ADAMTSL1: variants seen among roughly 807,000 people sequenced by gnomAD.
The protein encoded by ADAMTSL1 is ADAMTS like 1.
A neutral mutation model predicts 201.8 loss-of-function variants in ADAMTSL1; 126 were observed. The ratio of observed to expected loss-of-function variants is 0.62; its 90% confidence interval spans 0.54 to 0.72. ADAMTSL1 has a LOEUF of 0.72. Ranked by LOEUF, ADAMTSL1 falls within the 30% of genes least tolerant of loss-of-function variation. The pLI is 0.00. For missense variants in ADAMTSL1, 2,679 were observed against 2,277.8 expected, an observed-to-expected ratio of 1.18 and a Z score of -3.59; for synonymous variants, 1,121 against 903.4, an observed-to-expected ratio of 1.24 and a Z score of -4.32.
At chr9:17,959,555 T>C (rs544785825) in intron 1 of ADAMTSL1, among the ~76,000 whole-genome samples, 45 of 152,220 alleles carry the variant, frequency 3.0e-4, no homozygotes, top group African/African-American at 1.0e-3. Flanking sequence ...GCCTCCCAGA[T>C]TCAAGTGATT....
At chr9:18,058,642 C>G (rs1294052208) in intron 1 of ADAMTSL1, among the ~76,000 whole-genome samples, 1 of 151,982 alleles carries the variant, frequency 6.6e-6, no homozygotes, top group African/African-American at 2.4e-5. Flanking sequence ...AAATCCCATA[C>G]TTTTGACCCA....
At chr9:18,587,065 G>A (rs7040355) in intron 4 of ADAMTSL1, among the ~76,000 whole-genome samples, 2,956 of 152,008 alleles carry the variant, frequency 0.019, 79 homozygotes, top group African/African-American at 0.058. Flanking sequence ...CAAAGATGCC[G>A]AAAGCAATTC....
intron 2 of ADAMTSL1, among the ~76,000 whole-genome samples, chr9:18,531,984 T>A (rs779718779): frequency 3.3e-5 from 5 of 152,188 alleles, no homozygotes. Flanking sequence ...TGGTACTCTA[T>A]CTCTCCGGGT....
At chr9:18,184,764 G>A (rs1201856399) in intron 2 of ADAMTSL1, among the ~76,000 whole-genome samples, 1 of 152,178 alleles carries the variant, frequency 6.6e-6, no homozygotes, top group African/African-American at 2.4e-5. Context: ...TTTCTTGAAA[G>A]TAGTGACCTC....
intron 1 of ADAMTSL1, among the ~76,000 whole-genome samples, chr9:17,956,509 G>C (rs1342040035): frequency 6.6e-6 from 1 of 152,098 alleles, no homozygotes; most frequent in Non-Finnish European, 1.5e-5. Flanking sequence ...GAAAATTCCA[G>C]AGTAAACCAG....
chr9:18,022,038 A>G (rs567295497), intron 1 of ADAMTSL1, among the ~76,000 whole-genome samples: 3 of 152,222 alleles, frequency 2.0e-5, no homozygotes, highest in East Asian at 1.9e-4. Context: ...GGAAGATTCT[A>G]CACAGCCTCT....
chr9:18,407,016 T>C (rs1818235107), intron 2 of ADAMTSL1, among the ~76,000 whole-genome samples: 1 of 152,256 alleles, frequency 6.6e-6, no homozygotes, highest in Non-Finnish European at 1.5e-5. Context: ...ATTGAGTTTC[T>C]ATTAGGCAAC....
chr9:18,271,338 C>T (rs188466480), intron 2 of ADAMTSL1, among the ~76,000 whole-genome samples: 1 of 152,076 alleles, frequency 6.6e-6, no homozygotes, highest in African/African-American at 2.4e-5. Context: ...CCACTCCCCC[C>T]ACCCCACAAC....
intron 1 of ADAMTSL1, among the ~76,000 whole-genome samples, chr9:17,909,211 C>T (rs1825838213): frequency 6.8e-6 from 1 of 147,136 alleles, no homozygotes; most frequent in Non-Finnish European, 1.5e-5. Flanking sequence ...ATTGTAGATT[C>T]TGGGTATTAG....
intron 2 of ADAMTSL1, among the ~76,000 whole-genome samples, chr9:18,353,515 A>C (rs1211323226): frequency 1.3e-5 from 2 of 152,194 alleles, no homozygotes; most frequent in African/African-American, 4.8e-5. Flanking sequence ...TAGGGTGAAC[A>C]TGGACATGCT....
intron 2 of ADAMTSL1, among the ~76,000 whole-genome samples, chr9:18,311,450 C>G (rs1370389683): frequency 3.3e-5 from 5 of 152,114 alleles, no homozygotes; most frequent in African/African-American, 1.2e-4. Flanking sequence ...GTTTTCCACT[C>G]CAGAGTATCA....
chr9:18,501,003 C>G (rs1375069997), intron 1 of ADAMTSL1, among the ~76,000 whole-genome samples: 1 of 152,178 alleles, frequency 6.6e-6, no homozygotes, highest in African/African-American at 2.4e-5. Flanking sequence ...TAAAATATTA[C>G]ATTTATCTGA....
At chr9:18,637,721 A>G (rs992433391) in intron 6 of ADAMTSL1, among the ~76,000 whole-genome samples, 1 of 152,116 alleles carries the variant, frequency 6.6e-6, no homozygotes, top group Non-Finnish European at 1.5e-5. Context: ...AGTGAAAGAT[A>G]CCCTGTTTCT....
At chr9:18,831,706 T>A (rs950881419) in intron 23 of ADAMTSL1, among the ~76,000 whole-genome samples, 2 of 152,226 alleles carry the variant, frequency 1.3e-5, no homozygotes, top group Admixed American at 6.5e-5. Context: ...TCCAGACTGC[T>A]CCATTTGAAT....
rs555384346 is a variant in ADAMTSL1, at chr9:18,357,071, C to G, written c.208-147758C>G. On this transcript the variant is annotated intron_variant, in intron 2 of 29. Coordinates refer to the ADAMTSL1 transcript ENST00000680146. ...CACTGCCACCCATCTCTAAAGCCTA[C>G]ACACACATATCAGCCATACTGGGAC... Among the ~76,000 whole-genome samples, 68 of 152,284 alleles carry G rather than the reference C, an allele frequency of 4.5e-4. No individual in the cohort carries two copies. In the South Asian group the frequency reaches 0.013, roughly 28 times the overall value.
chr9:18,588,510 T>C (rs1048039819), intron 4 of ADAMTSL1, among the ~76,000 whole-genome samples: 5 of 152,140 alleles, frequency 3.3e-5, no homozygotes, highest in African/African-American at 1.2e-4. Context: ...GCTTTTGAGA[T>C]CTTATCCAAA....
intron 1 of ADAMTSL1, among the ~76,000 whole-genome samples, chr9:18,145,915 C>G (rs1826619964): frequency 6.6e-6 from 1 of 151,954 alleles, no homozygotes; most frequent in Non-Finnish European, 1.5e-5. Context: ...AGAAAACAAA[C>G]AGGCAAAAAC....
At chr9:18,511,462 T>C (rs1818019734) in intron 2 of ADAMTSL1, among the ~76,000 whole-genome samples, 2 of 152,110 alleles carry the variant, frequency 1.3e-5, no homozygotes, top group African/African-American at 2.4e-5. Flanking sequence ...AAAAAGTTTT[T>C]GAGGTAATAC....
intron 23 of ADAMTSL1, among the ~76,000 whole-genome samples, chr9:18,853,918 T>TGTGTGTGTGTGTGTGTGC (rs139332733): frequency 9.5e-4 from 138 of 145,486 alleles, no homozygotes; most frequent in African/African-American, 3.0e-3. Context: ...TGTGTGTGTG[T>TGTGTGTGTGTGTGTGTGC]GCGCGTGCAT....
Sources: allele counts gnomAD v4.1 joint callset (sites outside exome capture counted in the v4.1 genomes callset), GRCh38; gene constraint gnomAD v4.1.1; transcripts MANE v1.5; gene names NCBI Gene and HGNC (gene_info 2026-07-23, HGNC 2026-07-21).